The following RPA3 variants were observed in gnomAD, a reference collection of about 807,000 sequenced individuals.
RPA3 encodes replication protein A3.
A neutral mutation model predicts 13.7 loss-of-function variants in RPA3; 24 were observed. That is an observed-to-expected ratio of 1.75 (90% confidence interval 1.27 to 2.46). RPA3 has a LOEUF of 2.46. RPA3 is among the 30% of genes most tolerant of loss of function. The pLI, the probability that RPA3 is intolerant of heterozygous loss-of-function variation, is 0.00. For missense variants in RPA3, 183 were observed against 151.0 expected (o/e 1.21, Z -1.11); for synonymous variants, 59 against 51.2 (o/e 1.15, Z -0.65).
intron 2 of RPA3, among the ~76,000 whole-genome samples, chr7:7,700,655 A>G (rs968751179): frequency 1.3e-5 from 2 of 152,240 alleles, no homozygotes; most frequent in Non-Finnish European, 2.9e-5. Flanking sequence ...TGGGAGGCCT[A>G]GGTGAGCAGA....
intron 3 of RPA3, among the ~76,000 whole-genome samples, chr7:7,686,266 A>G (rs577651608): frequency 6.6e-6 from 1 of 152,292 alleles, no homozygotes; most frequent in Admixed American, 6.5e-5. Flanking sequence ...GGCTGAATAG[A>G]GAGGGTGTAT....
At chr7:7,697,230 G>A (rs1461875311) in intron 2 of RPA3, among the ~76,000 whole-genome samples, 3 of 152,062 alleles carry the variant, frequency 2.0e-5, no homozygotes, top group Admixed American at 2.0e-4. Flanking sequence ...GTCCTGATTG[G>A]CTTTCTGAAC....
chr7:7,703,716 G>T (rs1780524385), intron 2 of RPA3, among the ~76,000 whole-genome samples: 1 of 152,192 alleles, frequency 6.6e-6, no homozygotes, highest in Admixed American at 6.5e-5. Flanking sequence ...GAGACTGGCA[G>T]ATCGCTTGAG....
In RPA3 at chr7:7,707,405, A is replaced by T. The variant is rs538732332; in HGVS notation, c.-1028+7770T>A. ...CCTGGAAGCCAGAAGCCTTGTGTTC[A>T]GTTTCTAGCACCATCAGCAATGTTA... On this transcript the variant is annotated intron_variant, in intron 2 of 7. Coordinates refer to ENST00000223129, the MANE Select transcript of RPA3 (RefSeq NM_002947.5). 5.3e-5 allele frequency among the ~76,000 whole-genome samples: 8 copies of T among 152,318 alleles called. No individual in the cohort carries two copies. In the South Asian group the frequency reaches 1.4e-3, roughly 28 times the overall value.
chr7:7,651,822 G>A (rs762229985), intron 4 of RPA3, among the ~76,000 whole-genome samples: 1 of 152,190 alleles, frequency 6.6e-6, no homozygotes, highest in Non-Finnish European at 1.5e-5. Context: ...AGAATTAGGA[G>A]CAGTTTACAG....
At chr7:7,637,209 TA>T (rs1784879804) in intron 7 of RPA3, 127 bp from the exon 8 acceptor site, 5 of 671,362 alleles carry the variant, frequency 7.4e-6, no homozygotes. Flanking sequence ...AAAATGGAGA[TA>T]TGGATTATGG....
chr7:7,663,988 T>G (rs1009617302), intron 4 of RPA3, among the ~76,000 whole-genome samples: 4 of 152,218 alleles, frequency 2.6e-5, no homozygotes, highest in African/African-American at 9.6e-5. Context: ...TTTAGGCTAT[T>G]AATTCCTAAC....
At chr7:7,640,118 A>G (rs1336981295) in intron 5 of RPA3, 1 of 596,692 alleles carries the variant, frequency 1.7e-6, no homozygotes, top group East Asian at 2.9e-5. Context: ...AGCATTTGAA[A>G]ACACTTTGTT....
At chr7:7,638,993 G>T in intron 6 of RPA3, 77 bp downstream of exon 6, 1 of 1,183,958 alleles carries the variant, frequency 8.4e-7, no homozygotes, top group Non-Finnish European at 1.2e-6. Flanking sequence ...GCAAAAATTA[G>T]AAACATCGGC....
At chr7:7,665,857 G>A (rs527387024) in intron 4 of RPA3, among the ~76,000 whole-genome samples, 3 of 150,034 alleles carry the variant, frequency 2.0e-5, no homozygotes, top group Non-Finnish European at 4.4e-5. Flanking sequence ...GCATGTTGTA[G>A]CATGTATCAC....
At chr7:7,644,035 T>C (rs2115543586) in intron 4 of RPA3, among the ~76,000 whole-genome samples, 1 of 152,278 alleles carries the variant, frequency 6.6e-6, no homozygotes, top group Middle Eastern at 3.4e-3. Flanking sequence ...TTTCCCCAAA[T>C]GGTGGTACCA....
chr7:7,690,780 C>A (rs1478005235), intron 2 of RPA3, among the ~76,000 whole-genome samples: 1 of 152,090 alleles, frequency 6.6e-6, no homozygotes, highest in African/African-American at 2.4e-5. Context: ...ATAGTGAAAG[C>A]ATTCCCTTCA....
At chr7:7,642,739 A>G (rs1195674266) in intron 4 of RPA3, among the ~76,000 whole-genome samples, 1 of 152,226 alleles carries the variant, frequency 6.6e-6, no homozygotes, top group Non-Finnish European at 1.5e-5. Context: ...AGCTGAAGAA[A>G]TGGAACTTTA....
At chr7:7,685,728 C>G (rs1479446831) in intron 4 of RPA3, 102 bp downstream of exon 4, 1 of 152,134 alleles carries the variant, frequency 6.6e-6, no homozygotes, top group Admixed American at 6.5e-5. Context: ...CCTTTCCGTA[C>G]TATTCTAAAG....
At chr7:7,683,412 T>A (rs1394960848) in intron 4 of RPA3, among the ~76,000 whole-genome samples, 1 of 152,174 alleles carries the variant, frequency 6.6e-6, no homozygotes, top group Non-Finnish European at 1.5e-5. Context: ...CTCTAATAAT[T>A]GTATGTCATC....
chr7:7,639,190 A>C, intron 5 of RPA3, 46 bp from the exon 6 acceptor site: 1 of 1,477,660 alleles, frequency 6.8e-7, no homozygotes, highest in Non-Finnish European at 9.4e-7. Flanking sequence ...ACAACAACAA[A>C]GTTTGACTAA....
chr7:7,640,421 T>C lies in RPA3; in HGVS notation c.-3A>G. 1 of 1,613,764 alleles carries C rather than the reference T, an allele frequency of 6.2e-7. No individual in the cohort carries two copies. The highest frequency in any genetic ancestry group is 1.1e-5 in the South Asian group (1 of 91,064). ...GGCAAGTCCATCATGTCCACCATGA[T>C]TATGGTCCAAGACTGCGGCTGGCGG... On this transcript the variant is annotated 5_prime_UTR_variant, in exon 5 of 8. Transcript: ENST00000223129.
chr7:7,687,240 A>G lies in RPA3; in HGVS notation c.-939T>C, dbSNP rs1416436093. On this transcript the variant is annotated 5_prime_UTR_variant, in exon 3 of 8. The change abolishes an upstream ATG in the 5' untranslated region. Coordinates refer to ENST00000223129, the MANE Select transcript of RPA3 (RefSeq NM_002947.5). The stretch of plus-strand genomic sequence containing the variant: ...GCAGGCTACTTACCATTTCAGCCTC[A>G]TTTTCCTTTTGTGTGAAATGTTAAT... The G allele has an allele frequency of 6.6e-6, 1 of 152,178 alleles. No individual in the cohort carries two copies. Among genetic ancestry groups the G allele is most frequent in the Non-Finnish European group, 1.5e-5 (1 of 68,030 alleles). The allele number at this position is 152,178 out of a possible 1,614,324, so 9.4% of individuals were successfully genotyped here.
intron 4 of RPA3, among the ~76,000 whole-genome samples, chr7:7,657,024 T>G (rs138183311): frequency 0.16 from 23,697 of 152,100 alleles, 2,277 homozygotes; most frequent in Middle Eastern, 0.24. Flanking sequence ...GGCGTGAGAA[T>G]GTATCTCATT....
Sources: gnomAD v4.1 joint callset for allele counts (sites outside exome capture counted in the v4.1 genomes callset) on GRCh38, gnomAD v4.1.1 for gene constraint, MANE v1.5 for transcripts, NCBI Gene and HGNC (gene_info 2026-07-23, HGNC 2026-07-21) for gene names.